ARHGAP10: variants seen among roughly 807,000 people sequenced by gnomAD.
The protein encoded by ARHGAP10 is rho GTPase-activating protein 10.
A neutral mutation model predicts 108.6 loss-of-function variants in ARHGAP10; 87 were observed. That is an observed-to-expected ratio of 0.80 (90% CI 0.67 to 0.96). ARHGAP10 has a LOEUF of 0.96. Ranked by LOEUF, ARHGAP10 falls within the 40% of genes least tolerant of loss-of-function variation. The probability of loss-of-function intolerance (pLI) is 0.00; values close to 1 mark genes in which losing one functional copy is unlikely to be tolerated. For missense variants in ARHGAP10, 939 were observed against 954.5 expected (o/e 0.98, Z 0.21); for synonymous variants, 347 against 341.1 (o/e 1.02, Z -0.19).
chr4:147,761,010 GA>G (rs1367083820), intron 1 of ARHGAP10, among the ~76,000 whole-genome samples: 1 of 150,030 alleles, frequency 6.7e-6, no homozygotes, highest in African/African-American at 2.5e-5. Context: ...TTGTAAGTTA[GA>G]GTTAACTTTT....
intron 6 of ARHGAP10, chr4:147,866,330 C>G (rs1253262671): frequency 6.3e-6 from 1 of 159,562 alleles, no homozygotes; most frequent in African/African-American, 2.4e-5. Context: ...CTGGGGAGAG[C>G]CTGGAGCTCT....
chr4:147,889,183 T>C (rs930399831), intron 10 of ARHGAP10, among the ~76,000 whole-genome samples: 3 of 152,240 alleles, frequency 2.0e-5, no homozygotes, highest in Admixed American at 6.5e-5. Flanking sequence ...ACCACACCGC[T>C]ATACTGTGAG....
intron 5 of ARHGAP10, chr4:147,864,347 G>A (rs1308173064): frequency 6.5e-6 from 1 of 153,030 alleles, no homozygotes; most frequent in Admixed American, 6.5e-5. Flanking sequence ...TGCCATGGCT[G>A]GCTCCTTCTC....
intron 1 of ARHGAP10, among the ~76,000 whole-genome samples, chr4:147,811,431 A>G (rs1178322455): frequency 7.4e-6 from 1 of 134,348 alleles, no homozygotes; most frequent in Non-Finnish European, 1.7e-5. Context: ...GTAACAGCCC[A>G]GGGATGACAA....
intron 9 of ARHGAP10, among the ~76,000 whole-genome samples, chr4:147,880,932 C>T (rs113014263): frequency 4.6e-5 from 7 of 152,242 alleles, no homozygotes; most frequent in African/African-American, 1.7e-4. Flanking sequence ...CAATAAGAGA[C>T]TAACAGTATT....
chr4:147,865,205 A>T (rs1342125832), intron 6 of ARHGAP10: 2 of 345,634 alleles, frequency 5.8e-6, no homozygotes, highest in African/African-American at 2.2e-5. Context: ...AAGGAAGGCA[A>T]CCATGTGCAA....
intron 18 of ARHGAP10, among the ~76,000 whole-genome samples, chr4:147,978,970 A>T (rs186961575): frequency 4.7e-4 from 71 of 152,220 alleles, no homozygotes; most frequent in African/African-American, 1.7e-3. Context: ...TCTTTGTCAG[A>T]TGCATAGTTT....
At chr4:147,988,068 T>G (rs1740108914) in intron 18 of ARHGAP10, among the ~76,000 whole-genome samples, 1 of 152,250 alleles carries the variant, frequency 6.6e-6, no homozygotes, top group African/African-American at 2.4e-5. Flanking sequence ...GAGTTTGGTT[T>G]AACTCAGTGT....
At chr4:147,854,226 G>C (rs983568959) in intron 4 of ARHGAP10, among the ~76,000 whole-genome samples, 3 of 152,116 alleles carry the variant, frequency 2.0e-5, no homozygotes, top group African/African-American at 7.2e-5. Flanking sequence ...GCTTCCTCGT[G>C]TTGTTACAAT....
chr4:147,764,857 T>C (rs952464955), intron 1 of ARHGAP10, among the ~76,000 whole-genome samples: 2 of 152,116 alleles, frequency 1.3e-5, no homozygotes, highest in African/African-American at 2.4e-5. Context: ...ATTAAGTGTG[T>C]TTTATATGAC....
chr4:147,828,343 A>G (rs923495748), intron 3 of ARHGAP10, among the ~76,000 whole-genome samples: 2 of 152,248 alleles, frequency 1.3e-5, no homozygotes, highest in Non-Finnish European at 1.5e-5. Context: ...GTGTATGCTC[A>G]GCAATCCCTG....
chr4:147,929,085 G>T (rs1737571791), intron 13 of ARHGAP10, among the ~76,000 whole-genome samples: 2 of 152,144 alleles, frequency 1.3e-5, no homozygotes, highest in Admixed American at 1.3e-4. Flanking sequence ...GTATTTCCAA[G>T]ATATGTTTGT....
intron 19 of ARHGAP10, among the ~76,000 whole-genome samples, chr4:148,030,457 G>A (rs578191284): frequency 3.3e-5 from 5 of 152,284 alleles, no homozygotes; most frequent in South Asian, 4.1e-4. Context: ...GATTTGAAAC[G>A]TTTTCTTTGA....
intron 8 of ARHGAP10, among the ~76,000 whole-genome samples, chr4:147,875,516 A>G (rs1020238929): frequency 2.0e-5 from 3 of 152,072 alleles, no homozygotes; most frequent in Non-Finnish European, 4.4e-5. Context: ...CCTCACCTCT[A>G]CCCTCATCAC....
chr4:147,929,823 T>A (rs1251251177), intron 13 of ARHGAP10, among the ~76,000 whole-genome samples: 1 of 152,214 alleles, frequency 6.6e-6, no homozygotes, highest in Non-Finnish European at 1.5e-5. Context: ...ATAAGGCATC[T>A]AAAATAATGA....
At chr4:147,912,339 A>G (rs1376620524) in intron 12 of ARHGAP10, among the ~76,000 whole-genome samples, 1 of 151,494 alleles carries the variant, frequency 6.6e-6, no homozygotes, top group African/African-American at 2.4e-5. Flanking sequence ...CAGGAATTCA[A>G]GACCAGCCTG....
intron 20 of ARHGAP10, among the ~76,000 whole-genome samples, chr4:148,050,590 G>C (rs773498211): frequency 6.6e-6 from 1 of 151,508 alleles, no homozygotes; most frequent in Admixed American, 6.6e-5. Flanking sequence ...AGCCAGGATG[G>C]TCTCGATCTC....
rs144180385 is a variant in ARHGAP10, at chr4:147,736,538, A to G, written c.154+4083A>G. Among the ~76,000 whole-genome samples, 1,274 of 152,322 alleles carry G rather than the reference A, an allele frequency of 8.4e-3. 3 individuals carry two copies. Among genetic ancestry groups the G allele is most frequent in the Non-Finnish European group, 0.014 (923 of 68,032 alleles). Reference sequence around the variant, plus strand: ...CTTGAGGAATAAATAAAATGGTGTGAAAGTGTTTTGAAACACAAATGTAAA... The same window carrying G: ...CTTGAGGAATAAATAAAATGGTGTGGAAGTGTTTTGAAACACAAATGTAAA... On this transcript the variant is annotated intron_variant, in intron 1 of 22. Coordinates refer to ENST00000336498, the MANE Select transcript of ARHGAP10 (RefSeq NM_024605.4).
chr4:147,767,285 T>C (rs1729874011), intron 1 of ARHGAP10, among the ~76,000 whole-genome samples: 1 of 152,164 alleles, frequency 6.6e-6, no homozygotes, highest in South Asian at 2.1e-4. Context: ...CAAAGATTGG[T>C]AAATACTAGT....
Sources: allele counts gnomAD v4.1 joint callset (sites outside exome capture counted in the v4.1 genomes callset), GRCh38; gene constraint gnomAD v4.1.1; transcripts MANE v1.5; gene names NCBI Gene and HGNC (gene_info 2026-07-23, HGNC 2026-07-21).